The following TTC21B variants were observed in gnomAD, a reference collection of about 807,000 sequenced individuals.
TTC21B encodes tetratricopeptide repeat protein 21B.
A neutral mutation model predicts 175.1 loss-of-function variants in TTC21B; 127 were observed. The ratio of observed to expected loss-of-function variants is 0.73; its 90% CI spans 0.63 to 0.84. The LOEUF (loss-of-function observed/expected upper bound fraction) is 0.84, where lower values mean the gene tolerates loss of function less well. Ranked by LOEUF, TTC21B falls within the 40% of genes least tolerant of loss-of-function variation. The pLI is 0.00. For missense variants in TTC21B, 1,561 were observed against 1,558.3 expected, an observed-to-expected ratio of 1.00 and a Z score of -0.03; for synonymous variants, 524 against 524.5, an observed-to-expected ratio of 1.00 and a Z score of 0.01.
chr2:165,916,048 C>G (rs764189252), intron 14 of TTC21B, among the ~76,000 whole-genome samples: 16 of 152,126 alleles, frequency 1.1e-4, no homozygotes, highest in Non-Finnish European at 1.9e-4. Flanking sequence ...TTTGGGAGGC[C>G]GAGCTGGGTG....
chr2:165,883,361 A>G (rs1684896035), intron 26 of TTC21B, among the ~76,000 whole-genome samples: 1 of 152,134 alleles, frequency 6.6e-6, no homozygotes, highest in African/African-American at 2.4e-5. Flanking sequence ...ATTTTCTCCC[A>G]CAAAATATAT....
At chr2:165,876,472 T>C (rs1178690055) in intron 27 of TTC21B, among the ~76,000 whole-genome samples, 1 of 152,154 alleles carries the variant, frequency 6.6e-6, no homozygotes, top group Non-Finnish European at 1.5e-5. Context: ...CATTGATAGG[T>C]TAGAAAGCTG....
intron 12 of TTC21B, 77 bp downstream of exon 12, chr2:165,924,472 A>G: frequency 4.3e-6 from 6 of 1,404,432 alleles, no homozygotes; most frequent in Non-Finnish European, 6.0e-6. Context: ...CTATATATAC[A>G]CAGTGCTTAA....
At chr2:165,915,963 A>T (rs972842780) in intron 14 of TTC21B, among the ~76,000 whole-genome samples, 4 of 152,230 alleles carry the variant, frequency 2.6e-5, no homozygotes, top group Non-Finnish European at 5.9e-5. Flanking sequence ...ATAGGGTATA[A>T]TTGGCCTTAC....
In TTC21B at chr2:165,883,959, A is replaced by C. The variant is rs115504901; in HGVS notation, c.3519T>G (p.Thr1173=). The change falls in exon 26 of 29, where the codon ACT becomes ACG. Residue 1173 remains threonine, a synonymous_variant. Coordinates refer to ENST00000243344, the MANE Select transcript of TTC21B (RefSeq NM_024753.5). ...GCTTCAGCTGGTTTCTGGCTCGTGG[A>C]GTCTGTTTCAAGATCATATAAGCCG... ...MATAYMILKQ[T]PRARNQLKRI... 3.4e-3 allele frequency: 5,472 copies of C among 1,614,060 alleles called. 19 individuals are homozygous for C. The highest frequency in any genetic ancestry group is 4.1e-3 in the Non-Finnish European group (4,789 of 1,179,994).
chr2:165,939,061 T>G (rs922046611), intron 6 of TTC21B, among the ~76,000 whole-genome samples: 1 of 151,956 alleles, frequency 6.6e-6, no homozygotes, highest in African/African-American at 2.4e-5. Context: ...TGATGCAGAG[T>G]TTTGAATTTG....
intron 21 of TTC21B, 91 bp downstream of exon 21, chr2:165,899,679 T>C: frequency 4.9e-6 from 4 of 813,262 alleles, no homozygotes; most frequent in South Asian, 4.2e-5. Context: ...ACGTGAGCCA[T>C]GCCTCATCAT....
intron 24 of TTC21B, among the ~76,000 whole-genome samples, chr2:165,889,000 ATC>A (rs1462461791): frequency 6.6e-6 from 1 of 152,012 alleles, no homozygotes; most frequent in Non-Finnish European, 1.5e-5. Flanking sequence ...GACATATAAA[ATC>A]TACTCTGTTC....
intron 18 of TTC21B, among the ~76,000 whole-genome samples, chr2:165,909,095 G>T (rs1490435796): frequency 6.6e-6 from 1 of 151,940 alleles, no homozygotes; most frequent in Non-Finnish European, 1.5e-5. Context: ...ATACACAATG[G>T]AATAAAACAA....
At chr2:165,925,087 T>C (rs1317148608) in intron 11 of TTC21B, among the ~76,000 whole-genome samples, 1 of 152,228 alleles carries the variant, frequency 6.6e-6, no homozygotes, top group Non-Finnish European at 1.5e-5. Flanking sequence ...TGTGATTTGC[T>C]CAATTCAATT....
chr2:165,932,134 A>C (rs983374274), intron 7 of TTC21B, among the ~76,000 whole-genome samples: 1 of 152,186 alleles, frequency 6.6e-6, no homozygotes, highest in Non-Finnish European at 1.5e-5. Context: ...TATTCCATTA[A>C]CTGTACATGC....
At chr2:165,900,104 A>G (rs1685507144) in intron 20 of TTC21B, among the ~76,000 whole-genome samples, 1 of 151,908 alleles carries the variant, frequency 6.6e-6, no homozygotes, top group African/African-American at 2.4e-5. Context: ...ACTCACTTCA[A>G]AAGTAGAGAG....
At chr2:165,906,254 T>TAAA (rs1163343694) in intron 19 of TTC21B, among the ~76,000 whole-genome samples, 38 of 45,316 alleles carry the variant, frequency 8.4e-4, no homozygotes, top group African/African-American at 3.0e-3. Context: ...TTCAAGAGGC[T>TAAA]AAAAAAAAAA....
At chr2:165,911,888 C>T (rs756860581) in intron 17 of TTC21B, among the ~76,000 whole-genome samples, 7 of 152,138 alleles carry the variant, frequency 4.6e-5, no homozygotes, top group African/African-American at 7.2e-5. Context: ...TGGTTTCAAA[C>T]TCCTGAACTC....
intron 23 of TTC21B, 80 bp downstream of exon 23, chr2:165,890,758 T>TA: frequency 6.5e-7 from 1 of 1,538,932 alleles, no homozygotes; most frequent in Non-Finnish European, 8.9e-7. Flanking sequence ...CATTTTTTTT[T>TA]ACTACAAAGA....
At chr2:165,896,142 G>T (rs879503491) in intron 22 of TTC21B, among the ~76,000 whole-genome samples, 241 of 31,608 alleles carry the variant, frequency 7.6e-3, no homozygotes, top group Non-Finnish European at 0.016. Context: ...GATGCCTAGG[G>T]CATCAGCCTG....
chr2:165,944,172 T>G (rs1394083451), intron 4 of TTC21B, among the ~76,000 whole-genome samples: 1 of 152,178 alleles, frequency 6.6e-6, no homozygotes, highest in Non-Finnish European at 1.5e-5. Context: ...ATTCCCAACC[T>G]ATATTTCTAG....
intron 16 of TTC21B, 97 bp from the exon 17 acceptor site, chr2:165,912,721 T>G: frequency 1.1e-6 from 1 of 911,538 alleles, no homozygotes; most frequent in Non-Finnish European, 1.8e-6. Flanking sequence ...ACATTTGTAA[T>G]ATTACATAAG....
At position 165,929,681 on chromosome 2, in the gene TTC21B, T is replaced by C. The variant is rs1289658729; in HGVS notation, c.1154A>G (p.Asn385Ser). 1 of 1,612,692 alleles carries C rather than the reference T, an allele frequency of 6.2e-7. No individual in the cohort carries two copies. Among genetic ancestry groups the C allele is most frequent in the Non-Finnish European group, 8.5e-7 (1 of 1,179,184 alleles). Residue 385 changes from asparagine (N) to serine (S), a missense_variant, in exon 10 of 29, where the codon AAT (asparagine) becomes AGT (serine). Physicochemically the swap from Asn to Ser is conservative, Grantham distance 46 (BLOSUM62 1). Coordinates refer to ENST00000243344, the MANE Select transcript of TTC21B (RefSeq NM_024753.5). ...QDADQQLEFL[N>S]EIQQSIGKSA... ...TTTTCCAATGGATTGCTGGATTTCA[T>C]TTAAAAATTCTAGCTGCTGATCTGC...
Sources: gnomAD v4.1 joint callset for allele counts (sites outside exome capture counted in the v4.1 genomes callset) on GRCh38, gnomAD v4.1.1 for gene constraint, MANE v1.5 for transcripts, NCBI Gene and HGNC (gene_info 2026-07-23, HGNC 2026-07-21) for gene names.